SRGAP2B: variants seen among roughly 807,000 people sequenced by gnomAD.
SRGAP2B encodes SLIT-ROBO Rho GTPase activating protein 2B, also known as SLIT-ROBO Rho GTPase-activating protein 2B.
In SRGAP2B, 9 loss-of-function variants were observed where a neutral mutation model predicts 22.2. The ratio of observed to expected loss-of-function variants is 0.41; its 90% confidence interval spans 0.24 to 0.71. The LOEUF is 0.71. Among genes scored for constraint, SRGAP2B ranks in the 30% least tolerant of loss-of-function variants. The pLI is 0.35. For synonymous variants in SRGAP2B, 36 were observed against 87.4 expected (o/e 0.41, Z 3.28); for missense variants, 114 against 235.8 (o/e 0.48, Z 3.38).
intron 2 of SRGAP2B, among the ~76,000 whole-genome samples, chr1:145,067,360 A>C (rs1553632555): frequency 1.3e-5 from 2 of 148,202 alleles, no homozygotes; most frequent in African/African-American, 5.1e-5. Flanking sequence ...CAAAATTGTT[A>C]AGTAGGTCAA....
intron 2 of SRGAP2B, among the ~76,000 whole-genome samples, chr1:145,009,106 G>A (rs1256521796): frequency 4.1e-5 from 6 of 145,076 alleles, no homozygotes; most frequent in Non-Finnish European, 6.0e-5. Context: ...GAACCTGGGA[G>A]GCGGAGCTTG....
At chr1:144,909,272 C>T (rs1663226604) in intron 5 of SRGAP2B, among the ~76,000 whole-genome samples, 1 of 145,188 alleles carries the variant, frequency 6.9e-6, no homozygotes, top group Non-Finnish European at 1.5e-5. Context: ...TAGAGCTAAA[C>T]ACAAAATAAG....
intron 4 of SRGAP2B, among the ~76,000 whole-genome samples, chr1:144,930,603 C>T (rs782201997): frequency 6.6e-6 from 1 of 150,642 alleles, no homozygotes; most frequent in Non-Finnish European, 1.5e-5. Flanking sequence ...GCATCTAGTT[C>T]GTGAGACATG....
intron 7 of SRGAP2B, among the ~76,000 whole-genome samples, chr1:144,904,254 C>T (rs1662824715): frequency 6.8e-6 from 1 of 147,026 alleles, no homozygotes; most frequent in African/African-American, 2.6e-5. Flanking sequence ...GCAATGCTTA[C>T]CCATAATGGT....
Position 145,040,499 on chromosome 1 carries a change from T to C in SRGAP2B, c.68-45299A>G, listed in dbSNP as rs1436231806. 1.3e-5 allele frequency among the ~76,000 whole-genome samples: 2 copies of C among 150,962 alleles called. 1 individual carries two copies. Among genetic ancestry groups the C allele is most frequent in the African/African-American group, 4.9e-5 (2 of 40,650 alleles). On this transcript the variant is annotated intron_variant, in intron 2 of 9. Coordinates refer to ENST00000612199, the Ensembl canonical transcript of SRGAP2B. ...TATAAAGGCCAGATAGTAAATATTTTAGGCTTCTGGGCCATATGTTCTCTG... is the reference window on the plus strand; with the variant it reads ...TATAAAGGCCAGATAGTAAATATTTCAGGCTTCTGGGCCATATGTTCTCTG...
At chr1:144,932,400 G>A (rs1222908603) in intron 4 of SRGAP2B, among the ~76,000 whole-genome samples, 1 of 151,056 alleles carries the variant, frequency 6.6e-6, no homozygotes, top group Non-Finnish European at 1.5e-5. Flanking sequence ...TGTCCTTCTA[G>A]CTTGTAGATG....
At chr1:144,992,214 T>A (rs1553617357) in intron 3 of SRGAP2B, among the ~76,000 whole-genome samples, 1 of 150,234 alleles carries the variant, frequency 6.7e-6, no homozygotes, top group Non-Finnish European at 1.5e-5. Flanking sequence ...TCCGAACACA[T>A]CTGAACATCA....
rs767131611 is a variant in SRGAP2B, at chr1:144,966,559, G to A, written c.261-10958C>T. On this transcript the variant is annotated intron_variant, in intron 3 of 9. Coordinates refer to ENST00000612199, the Ensembl canonical transcript of SRGAP2B. Reference sequence around the variant, plus strand: ...AACATGCCCAATTGTAAACACCATCGATGCTAGGAAGAAACTGCATCAACT... The same window carrying A: ...AACATGCCCAATTGTAAACACCATCAATGCTAGGAAGAAACTGCATCAACT... Among the ~76,000 whole-genome samples, 20 of 146,734 alleles carry A rather than the reference G, an allele frequency of 1.4e-4. 1 individual carries two copies. The highest frequency in any genetic ancestry group is 3.4e-3 in the Middle Eastern group (1 of 290).
chr1:144,936,953 TA>T (rs1478393014), intron 4 of SRGAP2B, among the ~76,000 whole-genome samples: 1 of 107,048 alleles, frequency 9.3e-6, no homozygotes, highest in Non-Finnish European at 1.9e-5. Context: ...ACTACAAAAT[TA>T]AATTAAATTA....
At chr1:145,031,942 G>C (rs1190595449) in intron 2 of SRGAP2B, among the ~76,000 whole-genome samples, 3 of 147,812 alleles carry the variant, frequency 2.0e-5, no homozygotes, top group African/African-American at 7.8e-5. Context: ...CTAGGGGAAA[G>C]TTTGTCCCAA....
chr1:144,910,495 C>T (rs1663342882), intron 5 of SRGAP2B, among the ~76,000 whole-genome samples: 1 of 149,684 alleles, frequency 6.7e-6, no homozygotes, highest in African/African-American at 2.5e-5. Context: ...AGTAGCTCTG[C>T]CAGCACACAG....
intron 3 of SRGAP2B, among the ~76,000 whole-genome samples, chr1:144,973,443 A>G (rs1371292713): frequency 4.2e-5 from 4 of 95,538 alleles, no homozygotes; most frequent in Admixed American, 1.2e-4. Context: ...GGAGGGAGGG[A>G]GGGAGGGAGG....
At chr1:144,987,082 C>T (rs1669778604) in intron 3 of SRGAP2B, among the ~76,000 whole-genome samples, 1 of 152,158 alleles carries the variant, frequency 6.6e-6, no homozygotes, top group Non-Finnish European at 1.5e-5. Context: ...ACTTGACCTC[C>T]CTAAAGCCCT....
intron 4 of SRGAP2B, chr1:144,917,896 G>A (rs1202765564): frequency 8.8e-5 from 6 of 68,008 alleles, no homozygotes; most frequent in Non-Finnish European, 1.3e-4. Flanking sequence ...GGGGGAAAGC[G>A]TGGCCCCAGG....
chr1:144,921,170 T>C (rs1330653756), intron 4 of SRGAP2B, among the ~76,000 whole-genome samples: 2 of 139,622 alleles, frequency 1.4e-5, no homozygotes, highest in Non-Finnish European at 3.0e-5. Flanking sequence ...CTTAAGTTAG[T>C]TTTTTTAGTT....
intron 2 of SRGAP2B, among the ~76,000 whole-genome samples, chr1:145,041,075 GTATATATATATATATATATA>G (rs370443273): frequency 1.3e-5 from 1 of 76,470 alleles, no homozygotes; most frequent in African/African-American, 5.8e-5. Flanking sequence ...TATATATATA[GTATATATATATATATATATA>G]TATATATATA....
At chr1:145,030,281 A>G (rs1428381958) in intron 2 of SRGAP2B, among the ~76,000 whole-genome samples, 7 of 150,198 alleles carry the variant, frequency 4.7e-5, no homozygotes, top group African/African-American at 1.5e-4. Flanking sequence ...CAGAACATAT[A>G]TCATTTACAC....
chr1:144,939,295 T>TA (rs1665855111), intron 4 of SRGAP2B, among the ~76,000 whole-genome samples: 1 of 148,774 alleles, frequency 6.7e-6, no homozygotes. Flanking sequence ...CTTCAAAAGA[T>TA]ATTTCTGTAA....
chr1:144,963,102 T>C (rs1667798069), intron 3 of SRGAP2B, among the ~76,000 whole-genome samples: 1 of 151,106 alleles, frequency 6.6e-6, no homozygotes, highest in African/African-American at 2.5e-5. Context: ...ATAGCTTCTG[T>C]AGACCTGGGA....
Sources: allele counts gnomAD v4.1 joint callset (sites outside exome capture counted in the v4.1 genomes callset), GRCh38; gene constraint gnomAD v4.1.1; transcripts MANE v1.5; gene names NCBI Gene and HGNC (gene_info 2026-07-23, HGNC 2026-07-21).